CD2AP: variants seen among roughly 807,000 people sequenced by gnomAD.
CD2AP encodes CD2 associated protein.
A neutral mutation model predicts 85.1 loss-of-function variants in CD2AP; 46 were observed. That is an observed-to-expected ratio of 0.54 (90% confidence interval 0.43 to 0.69). CD2AP has a LOEUF of 0.69. Among genes scored for constraint, CD2AP ranks in the 30% least tolerant of loss-of-function variants. CD2AP has a pLI of 0.00. For missense variants in CD2AP, 769 were observed against 729.5 expected, an observed-to-expected ratio of 1.05 and a Z score of -0.62; for synonymous variants, 255 against 252.9, an observed-to-expected ratio of 1.01 and a Z score of -0.08.
chr6:47,578,606 T>G (rs1768374910), intron 8 of CD2AP, among the ~76,000 whole-genome samples: 1 of 152,062 alleles, frequency 6.6e-6, no homozygotes, highest in African/African-American at 2.4e-5. Flanking sequence ...GTTTAGAAAT[T>G]CATATTCTCC....
intron 2 of CD2AP, among the ~76,000 whole-genome samples, chr6:47,528,320 G>T (rs1370817028): frequency 3.9e-5 from 6 of 152,132 alleles, no homozygotes; most frequent in African/African-American, 1.4e-4. Context: ...GGTTACAGGA[G>T]TGTGCCACTA....
At chr6:47,566,177 T>G (rs1767987725) in intron 5 of CD2AP, among the ~76,000 whole-genome samples, 1 of 151,850 alleles carries the variant, frequency 6.6e-6, no homozygotes, top group East Asian at 1.9e-4. Context: ...GACAGCTCTG[T>G]GTAAAACAGC....
rs146216081 is a variant in CD2AP at position 47,614,699 on chromosome 6, A to G, written c.1878+2163A>G. Among the ~76,000 whole-genome samples the G allele has an allele frequency of 7.4e-4, 112 of 152,342 alleles. No homozygotes were observed. The East Asian group carries it at 0.02, about 27-fold the overall frequency. ...CATCAATAGAGTTGCTCAGCACAGG[A>G]TTACCACAAGCCTTTGATTGTAGAC... On this transcript the variant is annotated intron_variant, in intron 17 of 17. Coordinates refer to ENST00000359314, the MANE Select transcript of CD2AP (RefSeq NM_012120.3).
intron 3 of CD2AP, among the ~76,000 whole-genome samples, chr6:47,536,718 T>C (rs535053659): frequency 1.3e-5 from 2 of 152,316 alleles, no homozygotes; most frequent in South Asian, 4.1e-4. Flanking sequence ...AAAAAGTTGA[T>C]TACTGTAAGT....
chr6:47,574,578 T>C (rs1768251029), intron 6 of CD2AP, among the ~76,000 whole-genome samples: 1 of 148,432 alleles, frequency 6.7e-6, no homozygotes, highest in Non-Finnish European at 1.5e-5. Flanking sequence ...AATTTAGTTA[T>C]ATATATAATT....
chr6:47,478,369 C>G, intron 1 of CD2AP, 121 bp downstream of exon 1: 1 of 1,115,230 alleles, frequency 9.0e-7, no homozygotes, highest in Non-Finnish European at 1.3e-6. Flanking sequence ...GCACCCCACC[C>G]TCTCCATTCT....
chr6:47,607,642 G>A (rs1458437303), intron 14 of CD2AP, among the ~76,000 whole-genome samples: 1 of 151,972 alleles, frequency 6.6e-6, no homozygotes, highest in Non-Finnish European at 1.5e-5. Context: ...TGGAGTACTG[G>A]TGGTACTGTA....
At chr6:47,509,902 G>T (rs909573744) in intron 2 of CD2AP, among the ~76,000 whole-genome samples, 3 of 152,082 alleles carry the variant, frequency 2.0e-5, no homozygotes, top group Admixed American at 2.0e-4. Context: ...TCAAAAATAA[G>T]TTAAAAGTTA....
chr6:47,479,363 C>G (rs932318462), intron 1 of CD2AP, among the ~76,000 whole-genome samples: 2 of 152,200 alleles, frequency 1.3e-5, no homozygotes, highest in Non-Finnish European at 2.9e-5. Context: ...CACCCTCTGT[C>G]CACACTTTGC....
intron 9 of CD2AP, 100 bp downstream of exon 9, chr6:47,579,589 TGAA>T: frequency 2.7e-6 from 2 of 753,554 alleles, no homozygotes; most frequent in Admixed American, 4.3e-5. Flanking sequence ...ATAATTTTTA[TGAA>T]GGAGTTTCAG....
At chr6:47,618,341 A>T (rs951198688) in intron 17 of CD2AP, among the ~76,000 whole-genome samples, 3 of 152,168 alleles carry the variant, frequency 2.0e-5, no homozygotes, top group African/African-American at 7.2e-5. Flanking sequence ...TAGTCTTCCA[A>T]ATTTGCAAGA....
chr6:47,480,109 A>G (rs923687374), intron 1 of CD2AP, among the ~76,000 whole-genome samples: 14 of 152,144 alleles, frequency 9.2e-5, no homozygotes, highest in Admixed American at 3.3e-4. Context: ...AGACTTGGAT[A>G]TCAATGTTGG....
rs532289096 is a variant in CD2AP, at chr6:47,484,561, G to A, written c.4+6313G>A. On this transcript the variant is annotated intron_variant, in intron 1 of 17. Transcript: ENST00000359314. ...TTCTAAATTGATACTGGCTTAAGAT[G>A]TTGTTCCAGTGTCAGGTATTGTTAT... is the stretch of plus-strand genomic sequence containing the variant. Among the ~76,000 whole-genome samples, 7 of 152,296 alleles carry A rather than the reference G, an allele frequency of 4.6e-5. No homozygotes were observed. The South Asian group carries it at 1.4e-3, about 32-fold the overall frequency.
rs560231565 is a variant in CD2AP at position 47,590,409 on chromosome 6, C to T, written c.1109-5452C>T. Among the ~76,000 whole-genome samples, 59 of 151,542 alleles carry T rather than the reference C, an allele frequency of 3.9e-4. No individual in the cohort carries two copies. The South Asian group carries it at 0.012, about 30-fold the overall frequency. ...TTAAAAGAAAATATCTGAACTGAAA[C>T]ATAAGGAGACAAAAAAGATAGAAAA... is the stretch of plus-strand genomic sequence containing the variant. On this transcript the variant is annotated intron_variant, in intron 11 of 17. Transcript: ENST00000359314.
chr6:47,539,204 T>C (rs548519947), intron 3 of CD2AP, among the ~76,000 whole-genome samples: 32 of 152,354 alleles, frequency 2.1e-4, no homozygotes, highest in South Asian at 6.2e-4. Context: ...TAAGTAATTG[T>C]AAGTGCTTGA....
At chr6:47,578,551 T>C (rs938120095) in intron 8 of CD2AP, among the ~76,000 whole-genome samples, 1 of 152,206 alleles carries the variant, frequency 6.6e-6, no homozygotes, top group African/African-American at 2.4e-5. Flanking sequence ...AATAATGTGA[T>C]TAATTTTTAG....
chr6:47,488,040 T>TA (rs1765610300), intron 1 of CD2AP, among the ~76,000 whole-genome samples: 1 of 151,786 alleles, frequency 6.6e-6, no homozygotes, highest in Non-Finnish European at 1.5e-5. Context: ...TTTTTTTTTT[T>TA]TTTTAAGAAA....
chr6:47,600,519 T>G (rs1043529037), intron 13 of CD2AP, among the ~76,000 whole-genome samples: 1 of 151,966 alleles, frequency 6.6e-6, no homozygotes, highest in African/African-American at 2.4e-5. Flanking sequence ...GTCTTTTTAT[T>G]TGAACATCTT....
Position 47,533,833 on chromosome 6 carries a change from A to G in CD2AP, c.319+78A>G. 7 of 1,457,320 alleles carry G rather than the reference A, an allele frequency of 4.8e-6. No homozygotes were observed. The South Asian group carries it at 8.5e-5, about 18-fold the overall frequency. 90.3% of individuals were successfully genotyped at this position (1,457,320 alleles called of 1,614,324 possible). A position where few individuals can be genotyped will look rare whatever the true frequency, so the allele number is the denominator to read the frequency against. ...TATAACTGTGTCTAAATTAAGAAAA[A>G]TTAGTTCAGTCTTTTGTAGACAACT... On this transcript the variant is annotated intron_variant, in intron 3 of 17. Transcript: ENST00000359314.
Sources: gnomAD v4.1 joint callset for allele counts (sites outside exome capture counted in the v4.1 genomes callset) on GRCh38, gnomAD v4.1.1 for gene constraint, MANE v1.5 for transcripts, NCBI Gene and HGNC (gene_info 2026-07-23, HGNC 2026-07-21) for gene names.